SH3RF1: variants seen among roughly 807,000 people sequenced by gnomAD.
SH3RF1 encodes SH3 domain containing ring finger 1.
Under a neutral mutation model 74.0 loss-of-function variants are expected in SH3RF1, and 32 were observed. The observed-to-expected ratio is 0.43, with a 90% confidence interval of 0.33 to 0.58. The LOEUF (loss-of-function observed/expected upper bound fraction) is 0.58, where lower values mean the gene tolerates loss of function less well. SH3RF1 is among the 20% of genes least tolerant of loss of function. SH3RF1 has a pLI of 0.05. For synonymous variants in SH3RF1, 396 were observed against 439.6 expected (o/e 0.90, Z 1.24); for missense variants, 954 against 1,130.9 (o/e 0.84, Z 2.24).
At chr4:169,251,820 C>A (rs1031275520) in intron 2 of SH3RF1, among the ~76,000 whole-genome samples, 1 of 152,178 alleles carries the variant, frequency 6.6e-6, no homozygotes, top group African/African-American at 2.4e-5. Flanking sequence ...TTTAGGGCTG[C>A]GCAGCCTACT....
chr4:169,174,668 T>C (rs1414710265), intron 2 of SH3RF1, among the ~76,000 whole-genome samples: 1 of 152,148 alleles, frequency 6.6e-6, no homozygotes, highest in Non-Finnish European at 1.5e-5. Flanking sequence ...TAAAACCATT[T>C]ACACAAGCCA....
chr4:169,195,153 C>A (rs190148666), intron 2 of SH3RF1, among the ~76,000 whole-genome samples: 111 of 152,190 alleles, frequency 7.3e-4, no homozygotes, highest in African/African-American at 2.6e-3. Context: ...GTCTTTATTT[C>A]ACTCTCATAC....
At chr4:169,115,679 A>G (rs999679979) in intron 10 of SH3RF1, among the ~76,000 whole-genome samples, 3 of 152,200 alleles carry the variant, frequency 2.0e-5, no homozygotes, top group African/African-American at 7.2e-5. Flanking sequence ...AGCTTGAATC[A>G]TTCTGAAACC....
intron 10 of SH3RF1, among the ~76,000 whole-genome samples, chr4:169,114,851 C>T (rs934070126): frequency 6.6e-6 from 1 of 152,080 alleles, no homozygotes; most frequent in Non-Finnish European, 1.5e-5. Flanking sequence ...TTTACAGGCT[C>T]CCTTAACCAT....
intron 6 of SH3RF1, among the ~76,000 whole-genome samples, chr4:169,128,419 A>G (rs1733561860): frequency 6.6e-6 from 1 of 152,264 alleles, no homozygotes; most frequent in Non-Finnish European, 1.5e-5. Context: ...TTCAGGAAAC[A>G]TTAAAAACGA....
At position 169,116,305 on chromosome 4, in the gene SH3RF1, C is replaced by A. The variant is rs947059076; in HGVS notation, c.2103G>T (p.Gly701=). ...TSPDSASSAC[G]NSSATKPDKD... The stretch of plus-strand genomic sequence containing the variant: ...TGTCTGGTTTGGTTGCTGAACTGTT[C>A]CCACAAGCTGATGAAGCACTGTCAG... Residue 701 remains glycine (G), a synonymous_variant, in exon 10 of 12, where the codon GGG becomes GGT. Coordinates refer to ENST00000284637, the MANE Select transcript of SH3RF1 (RefSeq NM_020870.4). 4.3e-6 allele frequency: 7 copies of A among 1,613,310 alleles called. No individual in the cohort carries two copies. In the Admixed American group the frequency reaches 1.0e-4, roughly 23 times the overall value.
intron 4 of SH3RF1, among the ~76,000 whole-genome samples, chr4:169,138,067 A>G (rs558655769): frequency 6.6e-6 from 1 of 152,296 alleles, no homozygotes; most frequent in East Asian, 1.9e-4. Context: ...ACTTCTTCCG[A>G]TATGTGTTTA....
intron 2 of SH3RF1, among the ~76,000 whole-genome samples, chr4:169,170,634 C>T (rs1233697978): frequency 2.0e-5 from 3 of 152,064 alleles, no homozygotes; most frequent in Non-Finnish European, 1.5e-5. Flanking sequence ...ATCCTGGGGG[C>T]GCAACACACA....
chr4:169,149,226 A>G (rs1733938407), intron 4 of SH3RF1, among the ~76,000 whole-genome samples: 1 of 152,148 alleles, frequency 6.6e-6, no homozygotes, highest in African/African-American at 2.4e-5. Flanking sequence ...AGCATAAACT[A>G]CCCTAAATCC....
intron 2 of SH3RF1, among the ~76,000 whole-genome samples, chr4:169,218,342 A>G (rs1459340991): frequency 1.4e-5 from 2 of 142,466 alleles, no homozygotes; most frequent in African/African-American, 5.1e-5. Flanking sequence ...TATAGAATAT[A>G]GAATATAAAT....
rs74794298 is a variant in SH3RF1, at chr4:169,096,763, G to A, written c.2499-76C>T. 1.4e-3 allele frequency: 1,916 copies of A among 1,337,490 alleles called. 17 individuals carry two copies. The African/African-American group carries it at 0.024, about 17-fold the overall frequency. 82.9% of individuals were successfully genotyped at this position (1,337,490 alleles called of 1,614,324 possible). A position where few individuals can be genotyped will look rare whatever the true frequency, so the allele number is the denominator to read the frequency against. On this transcript the variant is annotated intron_variant, in intron 11 of 11. Transcript: ENST00000284637. ...AAAATGGTGTACTGTTAGTCTGCAC[G>A]AACCTTCAACATAAATAGGAAATAA...
intron 2 of SH3RF1, among the ~76,000 whole-genome samples, chr4:169,194,224 T>C (rs1446909534): frequency 2.0e-5 from 3 of 152,164 alleles, no homozygotes; most frequent in African/African-American, 7.2e-5. Flanking sequence ...AAATAAAGCA[T>C]ATAAAACTGC....
chr4:169,154,565 T>A (rs1358482584), intron 4 of SH3RF1, among the ~76,000 whole-genome samples: 1 of 152,180 alleles, frequency 6.6e-6, no homozygotes, highest in Non-Finnish European at 1.5e-5. Context: ...TCTCTTACTT[T>A]TTGGCTTTTG....
At chr4:169,241,828 T>TA (rs1305688393) in intron 2 of SH3RF1, among the ~76,000 whole-genome samples, 1 of 152,184 alleles carries the variant, frequency 6.6e-6, no homozygotes, top group African/African-American at 2.4e-5. Flanking sequence ...AGATGCTCGG[T>TA]AAAGTCAACC....
chr4:169,115,624 T>G (rs894104914), intron 10 of SH3RF1, among the ~76,000 whole-genome samples: 1 of 152,172 alleles, frequency 6.6e-6, no homozygotes, highest in African/African-American at 2.4e-5. Flanking sequence ...CATTATATAG[T>G]ACACTGTAAT....
At chr4:169,182,722 C>CAGG (rs1251138886) in intron 2 of SH3RF1, among the ~76,000 whole-genome samples, 1 of 152,104 alleles carries the variant, frequency 6.6e-6, no homozygotes, top group Non-Finnish European at 1.5e-5. Context: ...AGAAAACTTA[C>CAGG]AGGAGGCAAA....
In SH3RF1 at chr4:169,106,865, C is replaced by A. The variant is rs1561025051; in HGVS notation, c.2480G>T (p.Arg827Ile). ...SSLGPVLNES[R>I]PVVCERHRVV... Reference sequence around the variant, plus strand: ...AACTTACCTTTCACAAACGACAGGTCTAGACTCATTCAAGACAGGACCCAG... The same window carrying A: ...AACTTACCTTTCACAAACGACAGGTATAGACTCATTCAAGACAGGACCCAG... The change falls in exon 11 of 12, where the codon AGA becomes ATA. Residue 827 changes from arginine (R) to isoleucine (I), a missense_variant. By Grantham distance (97) the Arg-to-Ile change is moderately conservative. Transcript: ENST00000284637. 1 of 1,609,376 alleles carries A rather than the reference C, an allele frequency of 6.2e-7. No individual in the cohort carries two copies. Among genetic ancestry groups the A allele is most frequent in the South Asian group, 1.1e-5 (1 of 90,478 alleles).
At chr4:169,212,061 T>C (rs973941627) in intron 2 of SH3RF1, among the ~76,000 whole-genome samples, 1 of 131,080 alleles carries the variant, frequency 7.6e-6, no homozygotes. Context: ...TCTTTTCTTT[T>C]TTTTTTTTTT....
At chr4:169,156,319 C>T in intron 3 of SH3RF1, 85 bp downstream of exon 3, 1 of 1,414,860 alleles carries the variant, frequency 7.1e-7, no homozygotes. Context: ...TTTTTTTTTG[C>T]AAAAGGCAAC....
Sources: allele counts gnomAD v4.1 joint callset (sites outside exome capture counted in the v4.1 genomes callset), GRCh38; gene constraint gnomAD v4.1.1; transcripts MANE v1.5; gene names NCBI Gene and HGNC (gene_info 2026-07-23, HGNC 2026-07-21).